SHQ1: variants seen among roughly 807,000 people sequenced by gnomAD.
SHQ1 encodes SHQ1, H/ACA ribonucleoprotein assembly factor, also known as protein SHQ1 homolog.
SHQ1 carries 49 observed loss-of-function variants against 53.8 expected under a neutral mutation model. That is an observed-to-expected ratio of 0.91 (90% CI 0.72 to 1.16). SHQ1 has a LOEUF of 1.16. SHQ1 is among the 50% of genes most tolerant of loss of function. The pLI is 0.00. For missense variants in SHQ1, 738 were observed against 683.1 expected (o/e 1.08, Z -0.90); for synonymous variants, 243 against 251.0 (o/e 0.97, Z 0.30).
At chr3:72,786,510 A>G (rs901193281) in intron 10 of SHQ1, among the ~76,000 whole-genome samples, 1 of 152,076 alleles carries the variant, frequency 6.6e-6, no homozygotes, top group Non-Finnish European at 1.5e-5. Context: ...TCTTTTGTCT[A>G]CTGTCTGAAA....
chr3:72,760,570 A>C (rs1705587090), intron 10 of SHQ1, among the ~76,000 whole-genome samples: 1 of 152,210 alleles, frequency 6.6e-6, no homozygotes. Flanking sequence ...TGTGTGACTT[A>C]AACTGGAAGA....
intron 10 of SHQ1, among the ~76,000 whole-genome samples, chr3:72,778,745 C>T (rs931767183): frequency 7.9e-5 from 12 of 152,058 alleles, no homozygotes; most frequent in Non-Finnish European, 1.8e-4. Flanking sequence ...AGAAAACTGG[C>T]CATTATCCAG....
At chr3:72,830,430 G>T (rs996236078) in intron 5 of SHQ1, among the ~76,000 whole-genome samples, 19 of 151,800 alleles carry the variant, frequency 1.3e-4, no homozygotes, top group African/African-American at 4.6e-4. Context: ...ATATCACAAT[G>T]TATTATCTGC....
chr3:72,737,727 A>C, the SHQ1 span, among the ~76,000 whole-genome samples: 1 of 152,200 alleles, frequency 6.6e-6, no homozygotes, highest in Non-Finnish European at 1.5e-5. Flanking sequence ...ACACGAAAAA[A>C]AGTCTGTGAA....
intron 1 of SHQ1, 62 bp from the exon 2 acceptor site, chr3:72,844,485 A>G (rs756489457): frequency 1.1e-5 from 13 of 1,221,456 alleles, no homozygotes; most frequent in Non-Finnish European, 1.3e-5. Context: ...AGTGGCCATC[A>G]ATACTTGCAA....
At chr3:72,814,980 C>T (rs1357727045) in intron 8 of SHQ1, among the ~76,000 whole-genome samples, 2 of 151,056 alleles carry the variant, frequency 1.3e-5, no homozygotes, top group East Asian at 1.9e-4. Flanking sequence ...CATTATTTTT[C>T]GTGTGTGTGT....
At chr3:72,751,533 T>TACACAC (rs1399824395) in intron 10 of SHQ1, among the ~76,000 whole-genome samples, 2 of 122,204 alleles carry the variant, frequency 1.6e-5, no homozygotes, top group Admixed American at 7.6e-5. Context: ...TATATATACA[T>TACACAC]ATACATACAC....
intron 6 of SHQ1, among the ~76,000 whole-genome samples, chr3:72,820,117 A>C (rs1159260804): frequency 1.3e-5 from 2 of 152,180 alleles, no homozygotes; most frequent in African/African-American, 2.4e-5. Context: ...ATGCCCAGAA[A>C]CTATTTAGCA....
At chr3:72,738,907 C>G in the SHQ1 span, among the ~76,000 whole-genome samples, 1 of 152,180 alleles carries the variant, frequency 6.6e-6, no homozygotes, top group Non-Finnish European at 1.5e-5. Context: ...CCCCGCCCCG[C>G]GACGCCCGAG....
intron 2 of SHQ1, among the ~76,000 whole-genome samples, chr3:72,842,789 A>C (rs1451367905): frequency 2.6e-5 from 4 of 152,158 alleles, no homozygotes; most frequent in African/African-American, 9.7e-5. Context: ...AAAAATTATT[A>C]ATCTGGCTGG....
chr3:72,757,778 A>G (rs1705528548), intron 10 of SHQ1, among the ~76,000 whole-genome samples: 1 of 152,150 alleles, frequency 6.6e-6, no homozygotes, highest in Non-Finnish European at 1.5e-5. Context: ...AATGATAAGA[A>G]CACATGGACA....
At position 72,751,508 on chromosome 3, in the gene SHQ1, G is replaced by GTGTATATATATA. The variant is rs1210782182; in HGVS notation, c.1182-673_1182-672insTATATATATACA. On this transcript the variant is annotated intron_variant, in intron 10 of 10. Coordinates refer to ENST00000325599, the MANE Select transcript of SHQ1 (RefSeq NM_018130.3). Reference sequence around the variant, plus strand: ...TGTGTGTGTGTGTGTGTGTGTGTGTGTATATATATATATATATATATACAT... The same window carrying GTGTATATATATA: ...TGTGTGTGTGTGTGTGTGTGTGTGTGTGTATATATATATATATATATATATATATATATACAT... Among the ~76,000 whole-genome samples the GTGTATATATATA allele has an allele frequency of 1.1e-3, 130 of 116,938 alleles. 1 individual carries two copies. The highest frequency in any genetic ancestry group is 8.2e-3 in the Middle Eastern group (2 of 244). The allele number at this position is 116,938 out of a possible 152,430, so 76.7% of individuals were successfully genotyped here. A position where few individuals can be genotyped will look rare whatever the true frequency, so the allele number is the denominator to read the frequency against.
chr3:72,795,880 G>A (rs550813627), intron 9 of SHQ1, among the ~76,000 whole-genome samples: 32 of 152,078 alleles, frequency 2.1e-4, no homozygotes, highest in Non-Finnish European at 2.1e-4. Flanking sequence ...CAAGGCAGGC[G>A]GATTACGAGG....
chr3:72,793,079 G>T, intron 9 of SHQ1, 43 bp from the exon 10 acceptor site: 1 of 1,531,098 alleles, frequency 6.5e-7, no homozygotes, highest in Non-Finnish European at 8.9e-7. Context: ...TTAAGAAAAA[G>T]AAATTCAGAC....
Position 72,845,022 on chromosome 3 carries a change from G to A in SHQ1, c.144-599C>T, listed in dbSNP as rs185626396. 2.5e-3 allele frequency among the ~76,000 whole-genome samples: 383 copies of A among 151,750 alleles called. 1 individual carries two copies. The highest frequency in any genetic ancestry group is 4.2e-3 in the Non-Finnish European group (282 of 67,950). On this transcript the variant is annotated intron_variant, in intron 1 of 10. Coordinates refer to ENST00000325599, the MANE Select transcript of SHQ1 (RefSeq NM_018130.3). The stretch of plus-strand genomic sequence containing the variant: ...TAGAAAATCTGAAATTTCATATAAG[G>A]GACACTCAATCTGTACAGATAAGGG...
chr3:72,809,007 GTTACC>G (rs1434584916), intron 9 of SHQ1, among the ~76,000 whole-genome samples: 3 of 152,152 alleles, frequency 2.0e-5, no homozygotes, highest in East Asian at 3.8e-4. Context: ...GTGCTTTTCT[GTTACC>G]TTAAACCAAG....
chr3:72,846,292 TA>T, intron 1 of SHQ1: 1 of 1,528,982 alleles, frequency 6.5e-7, no homozygotes, highest in Non-Finnish European at 8.7e-7. Context: ...TAGCAAACTG[TA>T]TGTTCTTTTT....
chr3:72,833,463 TAG>T (rs1308184878), intron 4 of SHQ1, among the ~76,000 whole-genome samples: 5 of 53,296 alleles, frequency 9.4e-5, no homozygotes, highest in African/African-American at 3.2e-4. Context: ...GATAGATAGA[TAG>T]ATAGATAGAT....
rs748163595 is a variant in SHQ1, at chr3:72,750,443, T to G, written c.1575A>C (p.Pro525=). 1 of 1,614,210 alleles carries G rather than the reference T, an allele frequency of 6.2e-7. No individual in the cohort carries two copies. Among genetic ancestry groups the G allele is most frequent in the Non-Finnish European group, 8.5e-7 (1 of 1,180,042 alleles). Residue 525 remains proline (P), a synonymous_variant, in exon 11 of 11, where the codon CCA becomes CCC. Transcript: ENST00000325599. ...IQESDASQGK[P]LASSWPLGVS... is the part of the protein sequence containing the mutation. ...CTCCAAGAGGCCAGGAAGAGGCAAGTGGCTTTCCCTGACTGGCATCAGACT... is the reference window on the plus strand; with the variant it reads ...CTCCAAGAGGCCAGGAAGAGGCAAGGGGCTTTCCCTGACTGGCATCAGACT...
Sources: allele counts gnomAD v4.1 joint callset (sites outside exome capture counted in the v4.1 genomes callset), GRCh38; gene constraint gnomAD v4.1.1; transcripts MANE v1.5; gene names NCBI Gene and HGNC (gene_info 2026-07-23, HGNC 2026-07-21).